The following SLCO5A1 variants were observed in gnomAD, a reference collection of about 807,000 sequenced individuals.
SLCO5A1 encodes the protein organic anion transporter polypeptide-related protein 4.
In SLCO5A1, 39 loss-of-function variants were observed where a neutral mutation model predicts 65.1. The ratio of observed to expected loss-of-function variants is 0.60; its 90% confidence interval spans 0.46 to 0.78. The LOEUF is 0.78. Ranked by LOEUF, SLCO5A1 falls within the 30% of genes least tolerant of loss-of-function variation. The pLI, the probability that SLCO5A1 is intolerant of heterozygous loss-of-function variation, is 0.00. For missense variants in SLCO5A1, 1,029 were observed against 1,069.4 expected (o/e 0.96, Z 0.53); for synonymous variants, 438 against 415.7 (o/e 1.05, Z -0.65).
chr8:69,704,245 A>G (rs1814872024), intron 6 of SLCO5A1, among the ~76,000 whole-genome samples: 1 of 152,158 alleles, frequency 6.6e-6, no homozygotes, highest in Non-Finnish European at 1.5e-5. Flanking sequence ...TCAGCAGTCC[A>G]TTGGTTACAT....
intron 2 of SLCO5A1, among the ~76,000 whole-genome samples, chr8:69,766,530 T>C (rs1818065339): frequency 1.3e-5 from 2 of 152,130 alleles, no homozygotes; most frequent in Admixed American, 1.3e-4. Context: ...TGTGTATGCA[T>C]GTGTGTGTGC....
At chr8:69,704,462 T>C (rs986962438) in intron 6 of SLCO5A1, among the ~76,000 whole-genome samples, 5 of 152,222 alleles carry the variant, frequency 3.3e-5, no homozygotes, top group African/African-American at 1.2e-4. Flanking sequence ...TTCCATTTTT[T>C]AAAAGCTCAG....
At chr8:69,780,626 A>C (rs1425764775) in intron 2 of SLCO5A1, among the ~76,000 whole-genome samples, 1 of 152,214 alleles carries the variant, frequency 6.6e-6, no homozygotes, top group Non-Finnish European at 1.5e-5. Context: ...AGACTGTGGA[A>C]TGATAGAATA....
At chr8:69,704,593 A>C (rs1814888640) in intron 6 of SLCO5A1, among the ~76,000 whole-genome samples, 1 of 152,202 alleles carries the variant, frequency 6.6e-6, no homozygotes, top group South Asian at 2.1e-4. Flanking sequence ...GAAAGGGGTT[A>C]CCTGTTTCAT....
chr8:69,724,116 A>G (rs934858675), intron 5 of SLCO5A1, among the ~76,000 whole-genome samples: 7 of 152,222 alleles, frequency 4.6e-5, no homozygotes, highest in African/African-American at 1.7e-4. Flanking sequence ...ATTGACTAAA[A>G]GGATACTACA....
intron 2 of SLCO5A1, among the ~76,000 whole-genome samples, chr8:69,814,627 C>T (rs1281767305): frequency 3.3e-5 from 5 of 152,086 alleles, no homozygotes; most frequent in East Asian, 3.8e-4. Context: ...ATAGAATTAC[C>T]GTATGATCCA....
At chr8:69,819,700 G>A (rs111550170) in intron 2 of SLCO5A1, among the ~76,000 whole-genome samples, 1,542 of 152,266 alleles carry the variant, frequency 0.01, 29 homozygotes, top group African/African-American at 0.035. Flanking sequence ...AGTGGCTCAC[G>A]CCTATAATCC....
chr8:69,762,674 G>A (rs772379753), intron 2 of SLCO5A1, among the ~76,000 whole-genome samples: 13 of 152,110 alleles, frequency 8.5e-5, no homozygotes, highest in Non-Finnish European at 1.8e-4. Context: ...ATTCTAGCAC[G>A]ATGAGGGAAT....
intron 6 of SLCO5A1, 101 bp downstream of exon 6, chr8:69,704,930 G>T: frequency 1.8e-6 from 2 of 1,082,672 alleles, no homozygotes; most frequent in Non-Finnish European, 2.8e-6. Flanking sequence ...AGGGAGAACA[G>T]CTTGGAGGGA....
intron 2 of SLCO5A1, among the ~76,000 whole-genome samples, chr8:69,817,004 T>C (rs1341619010): frequency 6.6e-6 from 1 of 152,226 alleles, no homozygotes; most frequent in Non-Finnish European, 1.5e-5. Context: ...CTGTATAACC[T>C]GGACAGATCT....
rs184129351 is a variant in SLCO5A1, at chr8:69,692,425, C to T, written c.1623-10082G>A. Among the ~76,000 whole-genome samples, 423 of 152,272 alleles carry T rather than the reference C, an allele frequency of 2.8e-3. 3 individuals are homozygous for T. Among genetic ancestry groups the T allele is most frequent in the African/African-American group, 9.4e-3 (392 of 41,546 alleles). ...TGCTGTAGTCTTCATAAGCACTGTACACTTAGGCTACGCTAAATCCATTAA... is the reference window on the plus strand; with the variant it reads ...TGCTGTAGTCTTCATAAGCACTGTATACTTAGGCTACGCTAAATCCATTAA... On this transcript the variant is annotated intron_variant, in intron 6 of 9. Coordinates refer to ENST00000260126, the MANE Select transcript of SLCO5A1 (RefSeq NM_030958.3).
chr8:69,704,980 G>T (rs1188884628), intron 6 of SLCO5A1, 51 bp downstream of exon 6: 1 of 1,541,016 alleles, frequency 6.5e-7, no homozygotes, highest in Non-Finnish European at 8.9e-7. Context: ...ACACCACAGG[G>T]CTTTGCACCT....
Position 69,672,866 on chromosome 8 carries a change from G to A in SLCO5A1, c.*3C>T. On this transcript the variant is annotated 3_prime_UTR_variant, in exon 10 of 10. Coordinates refer to ENST00000260126, the MANE Select transcript of SLCO5A1 (RefSeq NM_030958.3). ...CAAAACTAAATTCTTCCATTTTCAA[G>A]CTTCAGGAGGGCGGCTCCAAGGCAG... 7 of 1,583,064 alleles carry A rather than the reference G, an allele frequency of 4.4e-6. No individual in the cohort carries two copies. Among genetic ancestry groups the A allele is most frequent in the Non-Finnish European group, 6.0e-6 (7 of 1,164,082 alleles).
intron 4 of SLCO5A1, among the ~76,000 whole-genome samples, chr8:69,754,004 CAAAAAAAAAAAA>C (rs71556780): frequency 2.7e-5 from 2 of 73,486 alleles, no homozygotes; most frequent in East Asian, 4.9e-4. Context: ...TGACCTATCT[CAAAAAAAAAAAA>C]AAAAAAAAAA....
intron 9 of SLCO5A1, among the ~76,000 whole-genome samples, chr8:69,675,040 C>CA (rs879273189): frequency 0.027 from 3,841 of 144,714 alleles, 152 homozygotes; most frequent in African/African-American, 0.09. Flanking sequence ...ACTCTGTCTC[C>CA]AAAAAAAAAA....
chr8:69,739,516 C>T (rs1411885768), intron 4 of SLCO5A1, among the ~76,000 whole-genome samples: 2 of 152,022 alleles, frequency 1.3e-5, no homozygotes, highest in African/African-American at 4.8e-5. Context: ...CATCTCAGAA[C>T]GGTTATCTCT....
rs571422523 is a variant in SLCO5A1 at position 69,797,678 on chromosome 8, G to A, written c.907+34089C>T. Among the ~76,000 whole-genome samples, 21 of 152,302 alleles carry A rather than the reference G, an allele frequency of 1.4e-4. 2 individuals are homozygous for A. In the South Asian group the frequency reaches 3.7e-3, roughly 27 times the overall value. ...AGCTGTAGGGATGAAATAAGTCCCAGTCTCCCGTAGCACTCCCAGGCTTAT... is the reference window on the plus strand; with the variant it reads ...AGCTGTAGGGATGAAATAAGTCCCAATCTCCCGTAGCACTCCCAGGCTTAT... On this transcript the variant is annotated intron_variant, in intron 2 of 9. Transcript: ENST00000260126.
intron 2 of SLCO5A1, among the ~76,000 whole-genome samples, chr8:69,765,262 ATATATGTG>A (rs1014186022): frequency 1.3e-5 from 2 of 152,218 alleles, no homozygotes; most frequent in Middle Eastern, 3.4e-3. Flanking sequence ...ATACAACTAC[ATATATGTG>A]TATATGTGTA....
chr8:69,800,245 A>ATT (rs749384852), intron 2 of SLCO5A1, among the ~76,000 whole-genome samples: 888 of 81,302 alleles, frequency 0.011, 97 homozygotes, highest in African/African-American at 0.034. Flanking sequence ...AGACGCTTGA[A>ATT]TTTTTTTTTT....
Sources: allele counts gnomAD v4.1 joint callset (sites outside exome capture counted in the v4.1 genomes callset), GRCh38; gene constraint gnomAD v4.1.1; transcripts MANE v1.5; gene names NCBI Gene and HGNC (gene_info 2026-07-23, HGNC 2026-07-21).